Variants in LOC114841035 observed in about 807,000 individuals in gnomAD.
the LOC114841035 span, chr11:64,244,023 G>A: frequency 1.2e-6 from 2 of 1,613,912 alleles, no homozygotes; most frequent in Non-Finnish European, 8.5e-7. Context: ...GACGAACTGA[G>A]CTGTAACCAG....
chr11:64,242,336 C>A, the LOC114841035 span: 3 of 1,463,128 alleles, frequency 2.1e-6, no homozygotes, highest in Non-Finnish European at 2.7e-6. Flanking sequence ...CCATACTCTC[C>A]CTGCCCTCCC....
At chr11:64,243,021 G>A in the LOC114841035 span, among the ~76,000 whole-genome samples, 1 of 152,128 alleles carries the variant, frequency 6.6e-6, no homozygotes, top group African/African-American at 2.4e-5. Flanking sequence ...GCAGGGAGGC[G>A]AGATCACGCC....
At chr11:64,244,084 A>G in the LOC114841035 span, 26,252 of 1,563,564 alleles carry the variant, frequency 0.017, 2,236 homozygotes, top group East Asian at 0.26. Flanking sequence ...GACTGTTCCA[A>G]AAAAAAAACA....
the LOC114841035 span, chr11:64,243,837 A>C: frequency 1.2e-6 from 2 of 1,614,092 alleles, no homozygotes. Flanking sequence ...TGCATCTTCA[A>C]CAGGGTATGG....
chr11:64,243,919 AC>A, the LOC114841035 span: 1 of 1,613,308 alleles, frequency 6.2e-7, no homozygotes, highest in Non-Finnish European at 8.5e-7. Context: ...CAGCCAGCCC[AC>A]CTCCCTGTGG....
chr11:64,243,179 G>T, the LOC114841035 span: 17 of 1,610,198 alleles, frequency 1.1e-5, no homozygotes, highest in Non-Finnish European at 1.4e-5. Flanking sequence ...TTCCTCACTG[G>T]CCTTCTCATG....
At chr11:64,242,145 C>T in the LOC114841035 span, 1 of 455,346 alleles carries the variant, frequency 2.2e-6, no homozygotes, top group Non-Finnish European at 3.9e-6. Flanking sequence ...TCCCTGGCTG[C>T]TGTGGCCTCC....
the LOC114841035 span, chr11:64,243,661 G>A: frequency 8.6e-7 from 1 of 1,159,570 alleles, no homozygotes; most frequent in Non-Finnish European, 1.3e-6. Context: ...CAAGATCATT[G>A]AAGCACTCAG....
At chr11:64,241,819 G>A in the LOC114841035 span, 1 of 152,864 alleles carries the variant, frequency 6.5e-6, no homozygotes. Context: ...GACCCCCAAG[G>A]GCTCAGAGTT....
chr11:64,242,175 T>A, the LOC114841035 span: 1 of 485,782 alleles, frequency 2.1e-6, no homozygotes, highest in African/African-American at 2.0e-5. Context: ...CTCCCCCCGC[T>A]GCTGGGGTCC....
chr11:64,243,110 G>T, the LOC114841035 span: 8 of 1,183,110 alleles, frequency 6.8e-6, no homozygotes, highest in Admixed American at 5.2e-5. Context: ...GGGTGGGCGT[G>T]GGGGGGCAGC....
chr11:64,241,882 G>C, the LOC114841035 span: 2 of 153,020 alleles, frequency 1.3e-5, no homozygotes, highest in African/African-American at 4.8e-5. Flanking sequence ...TATCTCCCGA[G>C]GACCCGGGCT....
At chr11:64,242,644 G>T in the LOC114841035 span, 2 of 1,417,056 alleles carry the variant, frequency 1.4e-6, no homozygotes, top group African/African-American at 1.5e-5. Flanking sequence ...CCATAAGCCA[G>T]GTAGGTGACC....
the LOC114841035 span, chr11:64,243,566 C>T: frequency 1.3e-6 from 2 of 1,577,504 alleles, no homozygotes; most frequent in Non-Finnish European, 1.7e-6. Context: ...AAAGCTGCTT[C>T]AGCTTTTCAT....
chr11:64,243,166 C>T, the LOC114841035 span: 1 of 1,602,128 alleles, frequency 6.2e-7, no homozygotes, highest in Non-Finnish European at 8.5e-7. Context: ...GGGTGGTCCC[C>T]TCTTCCTCAC....
the LOC114841035 span, chr11:64,243,200 G>T: frequency 6.2e-7 from 1 of 1,613,588 alleles, no homozygotes; most frequent in Non-Finnish European, 8.5e-7. Context: ...GTTCCACAGG[G>T]GAAGCTGGAA....
the LOC114841035 span, chr11:64,242,273 CG>C: frequency 9.0e-7 from 1 of 1,108,966 alleles, no homozygotes. Context: ...GGGGATCCCC[CG>C]GGGCAAGGAA....
chr11:64,242,197 C>G, the LOC114841035 span: 2 of 521,602 alleles, frequency 3.8e-6, no homozygotes, highest in Admixed American at 8.4e-5. Context: ...CGGCCAAGCC[C>G]CCTTCTCACT....
chr11:64,241,602 G>T, the LOC114841035 span: 1 of 152,780 alleles, frequency 6.5e-6, no homozygotes, highest in Non-Finnish European at 1.5e-5. Flanking sequence ...GCAGGCCCGG[G>T]GGCGGTACCG....
Sources: allele counts gnomAD v4.1 joint callset (sites outside exome capture counted in the v4.1 genomes callset), GRCh38; gene constraint gnomAD v4.1.1; transcripts MANE v1.5.